Variants in LRRFIP2 observed in about 807,000 individuals in gnomAD.
The protein encoded by LRRFIP2 is leucine-rich repeat flightless-interacting protein 2.
Under a neutral mutation model 125.9 loss-of-function variants are expected in LRRFIP2, and 109 were observed. That is an observed-to-expected ratio of 0.87 (90% CI 0.74 to 1.01). The LOEUF is 1.01. Ranked by LOEUF, LRRFIP2 falls within the 50% of genes least tolerant of loss-of-function variation. The pLI is 0.00. For synonymous variants in LRRFIP2, 291 were observed against 293.1 expected (o/e 0.99, Z 0.07); for missense variants, 850 against 862.3 (o/e 0.99, Z 0.18).
intron 4 of LRRFIP2, among the ~76,000 whole-genome samples, chr3:37,124,955 A>G (rs1230848816): frequency 3.9e-5 from 6 of 152,126 alleles, no homozygotes; most frequent in East Asian, 1.9e-4. Flanking sequence ...GTATCCCTCT[A>G]TTCCACAGTG....
At chr3:37,054,356 G>C in intron 27 of LRRFIP2, 55 bp downstream of exon 27, 1 of 1,389,296 alleles carries the variant, frequency 7.2e-7, no homozygotes, top group Non-Finnish European at 1.0e-6. Flanking sequence ...ATTATTTCCA[G>C]AAGATTTTTT....
chr3:37,077,447 A>C (rs954925099), intron 19 of LRRFIP2, among the ~76,000 whole-genome samples: 8 of 152,192 alleles, frequency 5.3e-5, no homozygotes, highest in Non-Finnish European at 1.0e-4. Context: ...CTATTTTCTA[A>C]GAAGAGTAAG....
chr3:37,088,256 C>G (rs1442905731), intron 18 of LRRFIP2, among the ~76,000 whole-genome samples: 2 of 152,182 alleles, frequency 1.3e-5, no homozygotes, highest in Non-Finnish European at 2.9e-5. Context: ...CAATTTACAG[C>G]TGATGGCAAG....
intron 24 of LRRFIP2, 46 bp downstream of exon 24, chr3:37,063,695 TG>T: frequency 1.5e-6 from 2 of 1,369,634 alleles, no homozygotes; most frequent in Non-Finnish European, 2.1e-6. Context: ...TATTTTACCA[TG>T]TAACTTTGTT....
intron 1 of LRRFIP2, among the ~76,000 whole-genome samples, chr3:37,159,484 T>A (rs1268198404): frequency 1.3e-5 from 2 of 152,178 alleles, no homozygotes. Context: ...CATTCCCATA[T>A]AAATTTTAGA....
At chr3:37,141,793 C>A (rs777219303) in intron 2 of LRRFIP2, among the ~76,000 whole-genome samples, 1 of 152,124 alleles carries the variant, frequency 6.6e-6, no homozygotes, top group African/African-American at 2.4e-5. Context: ...TGGGCTGATT[C>A]CTGAGTATCT....
intron 12 of LRRFIP2, among the ~76,000 whole-genome samples, 178 bp downstream of exon 12, chr3:37,108,459 G>A (rs1439899097): frequency 6.6e-6 from 1 of 152,238 alleles, no homozygotes; most frequent in Non-Finnish European, 1.5e-5. Flanking sequence ...TTGGGTGAGA[G>A]TCACAACTGG....
chr3:37,131,824 A>C (rs926681098), intron 2 of LRRFIP2, among the ~76,000 whole-genome samples: 1 of 152,216 alleles, frequency 6.6e-6, no homozygotes, highest in African/African-American at 2.4e-5. Context: ...AGCATGTAGG[A>C]GGGAGAAATT....
intron 4 of LRRFIP2, among the ~76,000 whole-genome samples, chr3:37,124,894 C>CAACA (rs1391147039): frequency 6.6e-6 from 1 of 152,042 alleles, no homozygotes; most frequent in Admixed American, 6.5e-5. Flanking sequence ...TACCAGTGGA[C>CAACA]AAAGATAACA....
intron 18 of LRRFIP2, among the ~76,000 whole-genome samples, chr3:37,085,841 C>T (rs1197565335): frequency 6.6e-6 from 1 of 152,122 alleles, no homozygotes; most frequent in Non-Finnish European, 1.5e-5. Context: ...CTCCGCCTCC[C>T]AAAGTGCTGG....
chr3:37,150,504 T>C (rs1323191936), intron 1 of LRRFIP2, among the ~76,000 whole-genome samples: 1 of 152,086 alleles, frequency 6.6e-6, no homozygotes, highest in Admixed American at 6.6e-5. Flanking sequence ...CTGTTACTAT[T>C]ACTTATTAGA....
At chr3:37,135,054 G>A (rs1338498346) in intron 2 of LRRFIP2, 16 of 1,413,218 alleles carry the variant, frequency 1.1e-5, no homozygotes, top group Admixed American at 3.4e-5. Context: ...ATAGACAGAC[G>A]TAAAAGTACA....
chr3:37,081,833 G>A (rs1425832521), intron 19 of LRRFIP2, among the ~76,000 whole-genome samples: 1 of 149,530 alleles, frequency 6.7e-6, no homozygotes, highest in Admixed American at 6.7e-5. Flanking sequence ...GCTGCAGTGA[G>A]CTATACTTGC....
intron 1 of LRRFIP2, among the ~76,000 whole-genome samples, chr3:37,149,773 G>A (rs1489537813): frequency 6.6e-6 from 1 of 151,694 alleles, no homozygotes. Context: ...GGCTGAGGTG[G>A]GCAGATCACT....
intron 25 of LRRFIP2, 65 bp downstream of exon 25, chr3:37,058,725 G>A (rs1575763390): frequency 3.2e-6 from 5 of 1,538,528 alleles, no homozygotes; most frequent in Non-Finnish European, 4.4e-6. Flanking sequence ...GCAACCTGCT[G>A]ACAAACCCAC....
chr3:37,175,500 T>C (rs1432115437), upstream of LRRFIP2, among the ~76,000 whole-genome samples: 1 of 152,224 alleles, frequency 6.6e-6, no homozygotes, highest in Non-Finnish European at 1.5e-5. Context: ...TCCTGCATGC[T>C]GCTGGTTACT....
chr3:37,128,692 G>A (rs2095350443), intron 3 of LRRFIP2, among the ~76,000 whole-genome samples: 4 of 151,866 alleles, frequency 2.6e-5, no homozygotes, highest in Admixed American at 2.6e-4. Flanking sequence ...TTTTAAAATT[G>A]TAAGTCTGAA....
At chr3:37,091,004 A>T (rs1272470479) in intron 18 of LRRFIP2, among the ~76,000 whole-genome samples, 2 of 152,100 alleles carry the variant, frequency 1.3e-5, no homozygotes, top group African/African-American at 4.8e-5. Context: ...TATTCTTAGT[A>T]TTTTTTTAGG....
At chr3:37,104,346 G>T (rs1256819180) in intron 14 of LRRFIP2, among the ~76,000 whole-genome samples, 1 of 152,132 alleles carries the variant, frequency 6.6e-6, no homozygotes, top group Admixed American at 6.5e-5. Context: ...TAAAGTCCCT[G>T]CCCTTTCCAC....
Sources: gnomAD v4.1 joint callset for allele counts (sites outside exome capture counted in the v4.1 genomes callset) on GRCh38, gnomAD v4.1.1 for gene constraint, MANE v1.5 for transcripts, NCBI Gene and HGNC (gene_info 2026-07-23, HGNC 2026-07-21) for gene names.